The following CADM2 variants were observed in gnomAD, a reference collection of about 807,000 sequenced individuals.
CADM2 encodes the protein immunoglobulin superfamily member 4D.
CADM2 carries 12 observed loss-of-function variants against 49.8 expected under a neutral mutation model. The ratio of observed to expected loss-of-function variants is 0.24; its 90% CI spans 0.15 to 0.39. The LOEUF is 0.39. CADM2 is among the 10% of genes least tolerant of loss of function. The pLI is 1.00. For missense variants in CADM2, 378 were observed against 492.3 expected (o/e 0.77, Z 2.20); for synonymous variants, 214 against 175.4 (o/e 1.22, Z -1.74).
At chr3:85,399,907 T>G (rs1455545380) in intron 1 of CADM2, among the ~76,000 whole-genome samples, 1 of 152,202 alleles carries the variant, frequency 6.6e-6, no homozygotes, top group East Asian at 1.9e-4. Flanking sequence ...AATCATGTCA[T>G]CTGCAAACAG....
chr3:85,618,453 A>T (rs967923268), intron 1 of CADM2, among the ~76,000 whole-genome samples: 2 of 152,176 alleles, frequency 1.3e-5, no homozygotes, highest in African/African-American at 4.8e-5. Flanking sequence ...GTTTTCGCAT[A>T]TCTAACAAGG....
At position 85,593,081 on chromosome 3, in the gene CADM2, A is replaced by G. The variant is rs114506751; in HGVS notation, c.62-133441A>G. Among the ~76,000 whole-genome samples, 525 of 151,826 alleles carry G rather than the reference A, an allele frequency of 3.5e-3. 2 individuals carry two copies. Among genetic ancestry groups the G allele is most frequent in the African/African-American group, 0.012 (500 of 41,456 alleles). Reference sequence around the variant, plus strand: ...TGCATTTCGGTTGCTATTTTTCCCTATTTTATTTGAACATGGCTTTTATAT... The same window carrying G: ...TGCATTTCGGTTGCTATTTTTCCCTGTTTTATTTGAACATGGCTTTTATAT... On this transcript the variant is annotated intron_variant, in intron 1 of 9. Transcript: ENST00000383699.
intron 1 of CADM2, among the ~76,000 whole-genome samples, chr3:85,099,892 G>A (rs1415683672): frequency 6.6e-6 from 1 of 152,156 alleles, no homozygotes; most frequent in East Asian, 1.9e-4. Context: ...GGAGAACAGA[G>A]CAATAGTGAG....
intron 1 of CADM2, among the ~76,000 whole-genome samples, chr3:85,463,569 T>C (rs1472201548): frequency 6.6e-6 from 1 of 152,184 alleles, no homozygotes; most frequent in Non-Finnish European, 1.5e-5. Context: ...GGATTGTAAC[T>C]ATTTATATAT....
intron 1 of CADM2, among the ~76,000 whole-genome samples, chr3:85,402,135 A>T (rs2035143787): frequency 6.6e-6 from 1 of 152,098 alleles, no homozygotes; most frequent in Non-Finnish European, 1.5e-5. Flanking sequence ...TTAATACTTA[A>T]ACCATGATTA....
At chr3:85,881,056 C>T (rs1712688049) in intron 3 of CADM2, among the ~76,000 whole-genome samples, 2 of 152,060 alleles carry the variant, frequency 1.3e-5, no homozygotes, top group African/African-American at 4.8e-5. Context: ...TCACAGGTCC[C>T]TGGGCCTCTG....
intron 3 of CADM2, among the ~76,000 whole-genome samples, chr3:85,859,172 T>C (rs575602208): frequency 6.6e-6 from 1 of 151,704 alleles, no homozygotes; most frequent in Non-Finnish European, 1.5e-5. Context: ...TTTCTGTATG[T>C]AAACATAACT....
chr3:85,235,940 T>C (rs1335624471), intron 1 of CADM2, among the ~76,000 whole-genome samples: 1 of 152,132 alleles, frequency 6.6e-6, no homozygotes, highest in Non-Finnish European at 1.5e-5. Context: ...TCCTGTAGAT[T>C]ATTAGGGTAT....
intron 1 of CADM2, among the ~76,000 whole-genome samples, chr3:85,490,430 AAAAT>A (rs2039624436): frequency 6.6e-6 from 1 of 152,046 alleles, no homozygotes; most frequent in African/African-American, 2.4e-5. Context: ...TAAATTTTTT[AAAAT>A]CAGCCTGGGT....
intron 1 of CADM2, among the ~76,000 whole-genome samples, chr3:85,326,427 T>C (rs962017198): frequency 6.6e-6 from 1 of 152,176 alleles, no homozygotes; most frequent in African/African-American, 2.4e-5. Context: ...GTACCTTTTT[T>C]ATATTAATAT....
chr3:85,280,913 T>G (rs1352437658), intron 1 of CADM2, among the ~76,000 whole-genome samples: 1 of 151,740 alleles, frequency 6.6e-6, no homozygotes, highest in East Asian at 1.9e-4. Context: ...ATAAAAACCA[T>G]TAGCCAAAGA....
At chr3:85,821,384 A>G (rs887198820) in intron 3 of CADM2, among the ~76,000 whole-genome samples, 2 of 152,150 alleles carry the variant, frequency 1.3e-5, no homozygotes, top group African/African-American at 2.4e-5. Context: ...GAAGCCTCTA[A>G]GAACACCTGC....
At chr3:85,792,145 A>T (rs1395400949) in intron 2 of CADM2, among the ~76,000 whole-genome samples, 1 of 152,238 alleles carries the variant, frequency 6.6e-6, no homozygotes, top group African/African-American at 2.4e-5. Flanking sequence ...TTGTTAAATG[A>T]GGTTCTTGAG....
At chr3:85,880,458 G>C (rs1712583740) in intron 3 of CADM2, among the ~76,000 whole-genome samples, 1 of 151,928 alleles carries the variant, frequency 6.6e-6, no homozygotes, top group Non-Finnish European at 1.5e-5. Flanking sequence ...TTTTATGTTT[G>C]AAAAATATTT....
At chr3:85,255,511 C>T (rs1025575503) in intron 1 of CADM2, among the ~76,000 whole-genome samples, 27 of 151,778 alleles carry the variant, frequency 1.8e-4, no homozygotes, top group African/African-American at 5.8e-4. Flanking sequence ...TATGATTTAG[C>T]TTAAGCTCTT....
chr3:85,372,978 A>G (rs1227068059), intron 1 of CADM2, among the ~76,000 whole-genome samples: 1 of 152,078 alleles, frequency 6.6e-6, no homozygotes, highest in Non-Finnish European at 1.5e-5. Context: ...GCAATTCAAG[A>G]TGAGATTTGG....
intron 1 of CADM2, among the ~76,000 whole-genome samples, chr3:85,661,715 A>G (rs1282433828): frequency 6.6e-6 from 1 of 152,062 alleles, no homozygotes; most frequent in African/African-American, 2.4e-5. Flanking sequence ...TAGCTCAAAT[A>G]ACCAGATGAA....
intron 1 of CADM2, among the ~76,000 whole-genome samples, chr3:85,690,729 C>T (rs1383252482): frequency 6.6e-6 from 1 of 152,094 alleles, no homozygotes. Context: ...ACCATTAAGT[C>T]ATATTCTCTT....
intron 1 of CADM2, among the ~76,000 whole-genome samples, chr3:85,182,858 C>T (rs1353839296): frequency 6.6e-6 from 1 of 151,984 alleles, no homozygotes; most frequent in African/African-American, 2.4e-5. Flanking sequence ...TTTTAATCTG[C>T]AGTGAAGTAT....
Sources: allele counts gnomAD v4.1 joint callset (sites outside exome capture counted in the v4.1 genomes callset), GRCh38; gene constraint gnomAD v4.1.1; transcripts MANE v1.5; gene names NCBI Gene and HGNC (gene_info 2026-07-23, HGNC 2026-07-21).